Variants in PAK1 observed in about 807,000 individuals in gnomAD.
PAK1 encodes serine/threonine-protein kinase PAK 1.
A neutral mutation model predicts 67.4 loss-of-function variants in PAK1; 29 were observed. That is an observed-to-expected ratio of 0.43 (90% CI 0.32 to 0.59). The LOEUF is 0.59. Among genes scored for constraint, PAK1 ranks in the 20% least tolerant of loss-of-function variants. PAK1 has a pLI of 0.07. For synonymous variants in PAK1, 223 were observed against 237.4 expected (o/e 0.94, Z 0.56); for missense variants, 337 against 670.7 (o/e 0.50, Z 5.50).
chr11:77,504,543 T>G, the PAK1 span, among the ~76,000 whole-genome samples: 3 of 152,198 alleles, frequency 2.0e-5, no homozygotes, highest in Admixed American at 1.3e-4. Flanking sequence ...TGGGAGTTTC[T>G]CAAAGGTTGT....
chr11:77,492,541 CTTTTTTT>C, the PAK1 span, among the ~76,000 whole-genome samples: 1 of 106,140 alleles, frequency 9.4e-6, no homozygotes, highest in Non-Finnish European at 2.1e-5. Flanking sequence ...TGAGGTGGGT[CTTTTTTT>C]TTTTTTTTTT....
At chr11:77,365,035 T>C (rs997893601) in intron 5 of PAK1, among the ~76,000 whole-genome samples, 3 of 151,852 alleles carry the variant, frequency 2.0e-5, no homozygotes, top group Non-Finnish European at 2.9e-5. Context: ...GATCACGAAG[T>C]CAGGAGTTCG....
intron 1 of PAK1, among the ~76,000 whole-genome samples, chr11:77,405,668 C>CAG (rs200611929): frequency 0.038 from 4,771 of 125,528 alleles, 230 homozygotes; most frequent in African/African-American, 0.13. Flanking sequence ...GACAGACAGA[C>CAG]AGACAGACAC....
intron 1 of PAK1, among the ~76,000 whole-genome samples, chr11:77,414,185 CT>C (rs1320776019): frequency 6.6e-6 from 1 of 152,232 alleles, no homozygotes; most frequent in Non-Finnish European, 1.5e-5. Flanking sequence ...TGCCCCTCCA[CT>C]TTTTCTCTTC....
chr11:77,348,676 T>C (rs193149918), intron 9 of PAK1, among the ~76,000 whole-genome samples: 102 of 152,338 alleles, frequency 6.7e-4, no homozygotes, highest in African/African-American at 2.4e-3. Flanking sequence ...GTAAGTAATG[T>C]TCACATTCAA....
At chr11:77,516,968 C>T in the PAK1 span, among the ~76,000 whole-genome samples, 3 of 151,580 alleles carry the variant, frequency 2.0e-5, no homozygotes, top group South Asian at 2.1e-4. Context: ...ATCATGTCAC[C>T]GCAGTCTAGA....
intron 10 of PAK1, among the ~76,000 whole-genome samples, chr11:77,343,261 CGT>C (rs1943908008): frequency 7.3e-6 from 1 of 136,402 alleles, no homozygotes. Context: ...TGCAAGCTTA[CGT>C]AAAAAAAAAA....
At chr11:77,494,020 G>T in the PAK1 span, among the ~76,000 whole-genome samples, 2 of 152,278 alleles carry the variant, frequency 1.3e-5, no homozygotes, top group Non-Finnish European at 2.9e-5. Flanking sequence ...TACAATTTTG[G>T]TGGAAGTGCA....
chr11:77,463,524 G>A (rs1196941417), intron 1 of PAK1, among the ~76,000 whole-genome samples: 3 of 152,174 alleles, frequency 2.0e-5, no homozygotes, highest in Non-Finnish European at 4.4e-5. Context: ...AGACCACTTG[G>A]AAACTTGTAT....
At position 77,328,688 on chromosome 11, in the gene PAK1, T is replaced by C. The variant is rs900397584; in HGVS notation, c.1551+4042A>G. Among the ~76,000 whole-genome samples, 379 of 151,768 alleles carry C rather than the reference T, an allele frequency of 2.5e-3. 2 individuals are homozygous for C. The highest frequency in any genetic ancestry group is 8.5e-3 in the African/African-American group (353 of 41,324). ...TGCCCACAAGAGAAAGCAGGAAAGATCTAAAATTGACACCCTTACATCACA... is the reference window on the plus strand; with the variant it reads ...TGCCCACAAGAGAAAGCAGGAAAGACCTAAAATTGACACCCTTACATCACA... On this transcript the variant is annotated intron_variant, in intron 14 of 14. Transcript: ENST00000356341.
intron 1 of PAK1, among the ~76,000 whole-genome samples, chr11:77,472,248 A>T (rs1367673521): frequency 6.6e-6 from 1 of 152,252 alleles, no homozygotes; most frequent in Non-Finnish European, 1.5e-5. Context: ...CAGGGAAAGT[A>T]TGGGAAGTTT....
intron 1 of PAK1, among the ~76,000 whole-genome samples, chr11:77,415,192 T>C (rs773735566): frequency 6.6e-6 from 1 of 152,192 alleles, no homozygotes; most frequent in Non-Finnish European, 1.5e-5. Flanking sequence ...ACACATCTAT[T>C]AGAATAACTA....
intron 1 of PAK1, among the ~76,000 whole-genome samples, chr11:77,402,745 A>G (rs931581435): frequency 6.6e-6 from 1 of 152,188 alleles, no homozygotes; most frequent in Admixed American, 6.5e-5. Context: ...CCACATTGCC[A>G]CATGCTGCCT....
At chr11:77,445,396 T>G (rs566708838) in intron 1 of PAK1, among the ~76,000 whole-genome samples, 6 of 152,324 alleles carry the variant, frequency 3.9e-5, no homozygotes, top group South Asian at 2.1e-4. Flanking sequence ...ACTACTAAAG[T>G]TTGTACCCAG....
intron 1 of PAK1, among the ~76,000 whole-genome samples, chr11:77,441,967 G>A (rs1323595190): frequency 6.6e-6 from 1 of 152,142 alleles, no homozygotes; most frequent in Non-Finnish European, 1.5e-5. Context: ...GCATGGTTGT[G>A]TTACCAACTT....
intron 14 of PAK1, among the ~76,000 whole-genome samples, chr11:77,323,581 T>G (rs1397507209): frequency 1.3e-5 from 2 of 152,134 alleles, no homozygotes; most frequent in South Asian, 2.1e-4. Context: ...GTAATTCCAA[T>G]CCTAGGTATA....
chr11:77,527,630 A>G, the PAK1 span, among the ~76,000 whole-genome samples: 9 of 152,154 alleles, frequency 5.9e-5, no homozygotes, highest in African/African-American at 1.9e-4. Flanking sequence ...AGATCTTTCC[A>G]TTGGTCTGAC....
chr11:77,417,728 T>C (rs1337989922), intron 1 of PAK1, among the ~76,000 whole-genome samples: 1 of 135,092 alleles, frequency 7.4e-6, no homozygotes, highest in Non-Finnish European at 1.5e-5. Context: ...TGCGTTTTCT[T>C]TTTTCTTTTC....
chr11:77,434,445 C>CT lies in PAK1; in HGVS notation c.-22+39106dup, dbSNP rs564339500. Among the ~76,000 whole-genome samples the CT allele has an allele frequency of 4.5e-3, 658 of 145,350 alleles. 2 individuals carry two copies. The highest frequency in any genetic ancestry group is 0.012 in the African/African-American group (494 of 39,904). On this transcript the variant is annotated intron_variant, in intron 1 of 14. Transcript: ENST00000356341. ...TTTAGGAGGACAAAATATTCTTTTTCTTTTTTTTTTTGGAGAGGGGATGGG... is the reference window on the plus strand; with the variant it reads ...TTTAGGAGGACAAAATATTCTTTTTCTTTTTTTTTTTTGGAGAGGGGATGGG...
Sources: gnomAD v4.1 joint callset for allele counts (sites outside exome capture counted in the v4.1 genomes callset) on GRCh38, gnomAD v4.1.1 for gene constraint, MANE v1.5 for transcripts, NCBI Gene and HGNC (gene_info 2026-07-23, HGNC 2026-07-21) for gene names.